Variants in P3H2 observed in about 807,000 individuals in gnomAD.
P3H2 encodes leprecan-like 1.
P3H2 carries 80 observed loss-of-function variants against 87.0 expected under a neutral mutation model. The ratio of observed to expected loss-of-function variants is 0.92; its 90% CI spans 0.77 to 1.11. The LOEUF (loss-of-function observed/expected upper bound fraction) is 1.11. Among genes scored for constraint, P3H2 ranks in the 50% least tolerant of loss-of-function variants. The probability of loss-of-function intolerance (pLI) is 0.00; values close to 1 mark genes in which losing one functional copy is unlikely to be tolerated. For synonymous variants in P3H2, 367 were observed against 359.3 expected (o/e 1.02, Z -0.24); for missense variants, 1,001 against 923.9 (o/e 1.08, Z -1.08).
At chr3:189,961,642 G>A (rs1272602675) in intron 14 of P3H2, among the ~76,000 whole-genome samples, 1 of 152,142 alleles carries the variant, frequency 6.6e-6, no homozygotes, top group Non-Finnish European at 1.5e-5. Flanking sequence ...ATCAATAGAT[G>A]ATCTCCACGT....
chr3:190,114,036 C>T (rs1318667959), intron 1 of P3H2, among the ~76,000 whole-genome samples: 10 of 122,914 alleles, frequency 8.1e-5, no homozygotes, highest in African/African-American at 2.7e-4. Flanking sequence ...GCCGAGATGT[C>T]GCCACCACAC....
intron 1 of P3H2, among the ~76,000 whole-genome samples, chr3:190,072,908 TGCAA>T (rs572933069): frequency 1.4e-3 from 214 of 152,320 alleles, no homozygotes; most frequent in Non-Finnish European, 2.6e-3. Flanking sequence ...CTCTATATTT[TGCAA>T]ATTATCTACC....
chr3:190,056,715 C>G (rs1726172807), intron 1 of P3H2, among the ~76,000 whole-genome samples: 1 of 152,170 alleles, frequency 6.6e-6, no homozygotes, highest in African/African-American at 2.4e-5. Context: ...ATGATGGAGA[C>G]TTTTTCTCAG....
intron 1 of P3H2, among the ~76,000 whole-genome samples, chr3:190,111,303 C>G (rs574914131): frequency 8.4e-6 from 1 of 119,296 alleles, no homozygotes; most frequent in Non-Finnish European, 1.7e-5. Context: ...GTGTTTTCAC[C>G]GGGGCCTTAC....
intron 1 of P3H2, among the ~76,000 whole-genome samples, chr3:190,058,584 A>G (rs1416500915): frequency 3.3e-5 from 5 of 152,146 alleles, no homozygotes; most frequent in Non-Finnish European, 7.4e-5. Context: ...ATGTTACATC[A>G]ACTTAAAAGG....
At chr3:189,982,999 T>A in intron 8 of P3H2, 47 bp downstream of exon 8, 1 of 1,415,060 alleles carries the variant, frequency 7.1e-7, no homozygotes, top group South Asian at 1.1e-5. Context: ...TCAAGCCCCA[T>A]CTTCCCCTTC....
At chr3:190,122,222 T>C (rs1712641249), upstream of P3H2, 1 of 151,524 alleles carries the variant, frequency 6.6e-6, no homozygotes, top group South Asian at 2.1e-4. Flanking sequence ...TTAAGCAATC[T>C]GCATCAATCT....
intron 1 of P3H2, among the ~76,000 whole-genome samples, chr3:190,008,231 G>A (rs768644870): frequency 7.2e-5 from 11 of 151,806 alleles, no homozygotes; most frequent in Non-Finnish European, 1.5e-4. Flanking sequence ...AGTATAGTTC[G>A]CTGTGCCTGA....
Position 189,971,990 on chromosome 3 carries a change from T to A in P3H2, c.1717A>T (p.Asn573Tyr). 6.2e-7 allele frequency: 1 copy of A among 1,611,530 alleles called. No homozygotes were observed. The highest frequency in any genetic ancestry group is 8.5e-7 in the Non-Finnish European group (1 of 1,177,626). The change falls in exon 12 of 15, where the codon AAT becomes TAT. Residue 573 changes from asparagine to tyrosine, a missense_variant. By Grantham distance (143) the Asn-to-Tyr change is moderately radical (BLOSUM62 -2). Coordinates refer to ENST00000319332, the MANE Select transcript of P3H2 (RefSeq NM_018192.4). ...TALSGQQDRRNDLSHPIHADN... is the reference protein window; with the variant it reads ...TALSGQQDRRYDLSHPIHADN... The stretch of plus-strand genomic sequence containing the variant: ...GCATGGATGGGATGACTGAGGTCAT[T>A]TCTTCTATCCTGCTGACCTGCCAGA...
At chr3:190,039,825 G>T (rs1725552600) in intron 1 of P3H2, among the ~76,000 whole-genome samples, 1 of 152,166 alleles carries the variant, frequency 6.6e-6, no homozygotes, top group Non-Finnish European at 1.5e-5. Flanking sequence ...GAGATTTATT[G>T]ATTCTTGTTT....
At chr3:190,053,837 A>AT (rs1049704850) in intron 1 of P3H2, among the ~76,000 whole-genome samples, 2 of 152,084 alleles carry the variant, frequency 1.3e-5, no homozygotes, top group Non-Finnish European at 2.9e-5. Context: ...TAGTTTATGT[A>AT]TTTTATTTTC....
At chr3:190,009,380 G>A (rs1476062171) in intron 1 of P3H2, among the ~76,000 whole-genome samples, 1 of 152,186 alleles carries the variant, frequency 6.6e-6, no homozygotes, top group Non-Finnish European at 1.5e-5. Context: ...GAGTAGCATA[G>A]GATGGTCTAC....
intron 1 of P3H2, among the ~76,000 whole-genome samples, chr3:190,039,835 T>C (rs1725553590): frequency 6.6e-6 from 1 of 152,158 alleles, no homozygotes; most frequent in Admixed American, 6.5e-5. Context: ...GATTCTTGTT[T>C]CCCCAGTGAG....
chr3:190,048,146 T>C (rs149909226), intron 1 of P3H2, among the ~76,000 whole-genome samples: 183 of 152,272 alleles, frequency 1.2e-3, no homozygotes, highest in Middle Eastern at 3.4e-3. Context: ...TCTCTCTTTT[T>C]AAAAAAATTA....
intron 8 of P3H2, among the ~76,000 whole-genome samples, chr3:189,979,350 C>T (rs141342954): frequency 0.023 from 3,549 of 151,882 alleles, 58 homozygotes; most frequent in Middle Eastern, 0.072. Flanking sequence ...ATCACTTGAA[C>T]CCAGGAGGCA....
intron 1 of P3H2, among the ~76,000 whole-genome samples, chr3:189,996,511 T>G (rs1724056280): frequency 6.6e-6 from 1 of 152,136 alleles, no homozygotes; most frequent in African/African-American, 2.4e-5. Flanking sequence ...AAGTTATAGT[T>G]AAAGAAGAAG....
chr3:190,091,976 T>C (rs1026931534), intron 1 of P3H2, among the ~76,000 whole-genome samples: 1 of 152,210 alleles, frequency 6.6e-6, no homozygotes. Flanking sequence ...CTCACGCCTA[T>C]AATCCCAGCA....
intron 1 of P3H2, among the ~76,000 whole-genome samples, chr3:190,110,525 C>T (rs918715198): frequency 1.8e-4 from 27 of 152,244 alleles, no homozygotes; most frequent in Non-Finnish European, 4.4e-5. Flanking sequence ...TTATAAATGG[C>T]ATGTATAAGA....
At chr3:190,114,828 C>G (rs1712227957) in intron 1 of P3H2, among the ~76,000 whole-genome samples, 1 of 152,168 alleles carries the variant, frequency 6.6e-6, no homozygotes, top group Non-Finnish European at 1.5e-5. Flanking sequence ...TGAAATCAAT[C>G]TTCTATTTGA....
Sources: allele counts gnomAD v4.1 joint callset (sites outside exome capture counted in the v4.1 genomes callset), GRCh38; gene constraint gnomAD v4.1.1; transcripts MANE v1.5; gene names NCBI Gene and HGNC (gene_info 2026-07-23, HGNC 2026-07-21).